LHFPL6: variants seen among roughly 807,000 people sequenced by gnomAD.
LHFPL6 encodes the protein LHFPL tetraspan subfamily member 6.
Under a neutral mutation model 20.6 loss-of-function variants are expected in LHFPL6, and 9 were observed. That is an observed-to-expected ratio of 0.44 (90% CI 0.26 to 0.76). The LOEUF (loss-of-function observed/expected upper bound fraction) is 0.76, where lower values mean the gene tolerates loss of function less well. Among genes scored for constraint, LHFPL6 ranks in the 30% least tolerant of loss-of-function variants. The pLI is 0.20. For synonymous variants in LHFPL6, 105 were observed against 98.7 expected (o/e 1.06, Z -0.38); for missense variants, 218 against 253.5 (o/e 0.86, Z 0.95).
intron 2 of LHFPL6, among the ~76,000 whole-genome samples, chr13:39,573,504 T>C (rs1872002062): frequency 6.6e-6 from 1 of 152,170 alleles, no homozygotes; most frequent in Non-Finnish European, 1.5e-5. Context: ...TATGAATGCA[T>C]ATCTCCACCT....
At chr13:39,408,571 C>T (rs930445454) in intron 2 of LHFPL6, among the ~76,000 whole-genome samples, 6 of 152,172 alleles carry the variant, frequency 3.9e-5, no homozygotes, top group African/African-American at 9.7e-5. Context: ...TAATTTGGGC[C>T]GATTCTATTT....
chr13:39,522,697 CA>C (rs1267140610), intron 2 of LHFPL6, among the ~76,000 whole-genome samples: 1 of 152,224 alleles, frequency 6.6e-6, no homozygotes, highest in African/African-American at 2.4e-5. Context: ...AGAGAAAATT[CA>C]TCATGGTTTA....
At chr13:39,508,514 T>C (rs972194861) in intron 2 of LHFPL6, among the ~76,000 whole-genome samples, 2 of 152,206 alleles carry the variant, frequency 1.3e-5, no homozygotes, top group Non-Finnish European at 2.9e-5. Context: ...TAGAAAACCA[T>C]CCATCTGCTT....
intron 2 of LHFPL6, among the ~76,000 whole-genome samples, chr13:39,528,863 T>C (rs140808376): frequency 1.1e-3 from 170 of 152,288 alleles, no homozygotes; most frequent in African/African-American, 3.5e-3. Flanking sequence ...GAATAATACA[T>C]TTATTTATTT....
chr13:39,523,443 C>G lies in LHFPL6; in HGVS notation c.385+77389G>C, dbSNP rs575636149. Among the ~76,000 whole-genome samples the G allele has an allele frequency of 2.4e-3, 362 of 152,154 alleles. 2 individuals carry two copies. The highest frequency in any genetic ancestry group is 4.2e-3 in the Non-Finnish European group (286 of 67,998). On this transcript the variant is annotated intron_variant, in intron 2 of 3. Transcript: ENST00000379589. ...AATTAACCGGGCGAGGTGGCGGGCG[C>G]CTGTAGTCCCAGCTACTCGGGAGGC...
chr13:39,582,603 G>C (rs913504552), intron 2 of LHFPL6, among the ~76,000 whole-genome samples: 1 of 152,158 alleles, frequency 6.6e-6, no homozygotes, highest in Admixed American at 6.6e-5. Flanking sequence ...GCCCTTTTGT[G>C]GGGGTGTGGT....
intron 3 of LHFPL6, among the ~76,000 whole-genome samples, chr13:39,375,349 T>A (rs1308330139): frequency 6.6e-6 from 1 of 152,184 alleles, no homozygotes; most frequent in Admixed American, 6.5e-5. Flanking sequence ...CTTTCATTAG[T>A]GTTCAGGGGA....
intron 2 of LHFPL6, among the ~76,000 whole-genome samples, chr13:39,533,828 C>T (rs1453156707): frequency 6.6e-6 from 1 of 152,166 alleles, no homozygotes; most frequent in Non-Finnish European, 1.5e-5. Context: ...CAACATTCCA[C>T]ACATTTCTAA....
At chr13:39,486,872 T>C (rs1868746193) in intron 2 of LHFPL6, among the ~76,000 whole-genome samples, 1 of 152,242 alleles carries the variant, frequency 6.6e-6, no homozygotes, top group African/African-American at 2.4e-5. Context: ...TCTTTGCTTA[T>C]GAAAAATTAC....
chr13:39,602,594 C>T (rs1872993252), intron 1 of LHFPL6, among the ~76,000 whole-genome samples: 2 of 151,548 alleles, frequency 1.3e-5, no homozygotes, highest in African/African-American at 2.5e-5. Context: ...CATTGCCTCA[C>T]CGAGCCACTC....
rs1441954033 is a variant in LHFPL6 at position 39,556,385 on chromosome 13, A to T, written c.385+44447T>A. On this transcript the variant is annotated intron_variant, in intron 2 of 3. Coordinates refer to ENST00000379589, the MANE Select transcript of LHFPL6 (RefSeq NM_005780.3). ...TGGTTGTGACCAAAACGCTGATAGA[A>T]ATATGGAAAGTGAAGTCCAGACTGA... 3.3e-5 allele frequency among the ~76,000 whole-genome samples: 5 copies of T among 152,172 alleles called. No homozygotes were observed. In the East Asian group the frequency reaches 9.6e-4, roughly 29 times the overall value.
intron 3 of LHFPL6, among the ~76,000 whole-genome samples, chr13:39,364,823 C>G (rs563158830): frequency 6.6e-6 from 1 of 152,100 alleles, no homozygotes; most frequent in Non-Finnish European, 1.5e-5. Context: ...AATGGTTTAC[C>G]CTTTGTCTTG....
At chr13:39,575,191 A>G (rs1872076331) in intron 2 of LHFPL6, among the ~76,000 whole-genome samples, 1 of 152,216 alleles carries the variant, frequency 6.6e-6, no homozygotes, top group Non-Finnish European at 1.5e-5. Flanking sequence ...ATACACGGGT[A>G]ACCAGAGCTA....
chr13:39,555,591 T>C (rs1871281530), intron 2 of LHFPL6, among the ~76,000 whole-genome samples: 3 of 152,288 alleles, frequency 2.0e-5, no homozygotes, highest in South Asian at 4.1e-4. Context: ...TAAGCATCAG[T>C]TTATTGAAAC....
intron 2 of LHFPL6, among the ~76,000 whole-genome samples, chr13:39,458,760 A>G (rs1191142706): frequency 2.6e-5 from 4 of 152,048 alleles, no homozygotes; most frequent in African/African-American, 4.8e-5. Flanking sequence ...ACAGAGAAAA[A>G]GTAACTATAA....
At chr13:39,352,370 C>T (rs772253604) in intron 3 of LHFPL6, among the ~76,000 whole-genome samples, 7 of 152,158 alleles carry the variant, frequency 4.6e-5, no homozygotes, top group Non-Finnish European at 1.0e-4. Flanking sequence ...TTGGCTGGTG[C>T]CACCATACCA....
At chr13:39,385,937 T>A (rs536238566) in intron 2 of LHFPL6, among the ~76,000 whole-genome samples, 1 of 152,212 alleles carries the variant, frequency 6.6e-6, no homozygotes, top group Non-Finnish European at 1.5e-5. Flanking sequence ...CTTTTTCCAC[T>A]GTTTATTTTA....
At chr13:39,508,078 T>G (rs1465195414) in intron 2 of LHFPL6, among the ~76,000 whole-genome samples, 1 of 151,784 alleles carries the variant, frequency 6.6e-6, no homozygotes, top group African/African-American at 2.4e-5. Flanking sequence ...TAGAGTGCAA[T>G]GGCGCCATCT....
intron 2 of LHFPL6, among the ~76,000 whole-genome samples, chr13:39,468,250 T>C (rs2138434542): frequency 6.6e-6 from 1 of 152,358 alleles, no homozygotes; most frequent in Non-Finnish European, 1.5e-5. Flanking sequence ...CCTAATTCCT[T>C]TCTGAAAATT....
Sources: gnomAD v4.1 joint callset for allele counts (sites outside exome capture counted in the v4.1 genomes callset) on GRCh38, gnomAD v4.1.1 for gene constraint, MANE v1.5 for transcripts, NCBI Gene and HGNC (gene_info 2026-07-23, HGNC 2026-07-21) for gene names.